The following SLC12A5 variants were observed in gnomAD, a reference collection of about 807,000 sequenced individuals.
The protein encoded by SLC12A5 is K-Cl cotransporter 2.
SLC12A5 carries 18 observed loss-of-function variants against 124.0 expected under a neutral mutation model. That is an observed-to-expected ratio of 0.15 (90% CI 0.10 to 0.22). The LOEUF is 0.22. Ranked by LOEUF, SLC12A5 falls within the 10% of genes least tolerant of loss-of-function variation. SLC12A5 has a pLI of 1.00. For synonymous variants in SLC12A5, 589 were observed against 568.0 expected (o/e 1.04, Z -0.53); for missense variants, 867 against 1,478.7 (o/e 0.59, Z 6.78).
upstream of SLC12A5, among the ~76,000 whole-genome samples, chr20:46,025,150 C>G (rs1396535917): frequency 6.6e-6 from 1 of 152,156 alleles, no homozygotes; most frequent in African/African-American, 2.4e-5. Context: ...ATCTAAGGGT[C>G]CTTCTAACCA....
intron 1 of SLC12A5, among the ~76,000 whole-genome samples, chr20:46,033,050 A>AGGTGGT (rs1448648320): frequency 6.6e-6 from 1 of 152,056 alleles, no homozygotes; most frequent in Non-Finnish European, 1.5e-5. Flanking sequence ...GATGAGGTGG[A>AGGTGGT]GGTGGTGGCA....
chr20:46,053,440 A>AAG lies in SLC12A5; in HGVS notation c.2548-136_2548-135dup. On this transcript the variant is annotated intron_variant, in intron 19 of 25. Transcript: ENST00000243964. The surrounding 1 kb of genome is among the most constrained non-coding windows in gnomAD (Gnocchi z 4.7). ...GAAGGTTTTGTAGAGAGTGGCCCCAAAGACAGAGGATTTGGGGTCTGCATG... is the reference window on the plus strand; with the variant it reads ...GAAGGTTTTGTAGAGAGTGGCCCCAAAGAGACAGAGGATTTGGGGTCTGCATG... 1 of 1,243,592 alleles carries AAG rather than the reference A, an allele frequency of 8.0e-7. No homozygotes were observed. The highest frequency in any genetic ancestry group is 1.1e-6 in the Non-Finnish European group (1 of 888,416). The allele number at this position is 1,243,592 out of a possible 1,614,324, so 77.0% of individuals were successfully genotyped here.
chr20:46,029,348 C>G lies in SLC12A5; in HGVS notation c.4C>G (p.Leu2Val). 3.2e-6 allele frequency: 5 copies of G among 1,548,452 alleles called. No homozygotes were observed. The highest frequency in any genetic ancestry group is 4.4e-6 in the Non-Finnish European group (5 of 1,146,052). M[L>V]NNLTDCEDGD... is the part of the protein sequence containing the mutation. ...GACCAGGGGCCGCGCCGCCACCATG[C>G]TAAACAACCTGACGGACTGCGAGGA... The change falls in exon 1 of 26, where the codon CTA becomes GTA. Residue 2 changes from leucine to valine, a missense_variant. This residue lies in a region of SLC12A5 where 58 missense variants were observed against 52.2 expected (regional missense o/e 1.11). Transcript: ENST00000243964.
upstream of SLC12A5, among the ~76,000 whole-genome samples, chr20:46,025,796 G>A (rs1026014362): frequency 1.3e-5 from 2 of 152,222 alleles, no homozygotes; most frequent in African/African-American, 4.8e-5. Flanking sequence ...GTCCGAGGAT[G>A]GGGCATGCGG....
intron 4 of SLC12A5, among the ~76,000 whole-genome samples, chr20:46,036,394 G>A (rs2084499072): frequency 6.6e-6 from 1 of 152,206 alleles, no homozygotes; most frequent in Non-Finnish European, 1.5e-5. Context: ...TGCATGTGAG[G>A]TACGCAGTGT....
rs1467187284 is a variant in SLC12A5, at chr20:46,035,159, A to ACCTTCTTCCTTGAGCCTC, written c.147+120_147+137dup. ...TCGTCTCCACCCCTCCCTTGAGTCT[A>ACCTTCTTCCTTGAGCCTC]CCTTCTTCCTTGAGCCTCCCCATCC... On this transcript the variant is annotated intron_variant, in intron 2 of 25. Transcript: ENST00000243964. 2.2e-4 allele frequency: 250 copies of ACCTTCTTCCTTGAGCCTC among 1,139,642 alleles called. 2 individuals carry two copies. Among genetic ancestry groups the ACCTTCTTCCTTGAGCCTC allele is most frequent in the Admixed American group, 2.0e-3 (105 of 52,516 alleles). 70.6% of individuals were successfully genotyped at this position (1,139,642 alleles called of 1,614,324 possible). A position where few individuals can be genotyped will look rare whatever the true frequency, so the allele number is the denominator to read the frequency against.
chr20:46,022,186 G>C (rs542770376), intron 1 of SLC12A5: 5 of 307,842 alleles, frequency 1.6e-5, no homozygotes, highest in African/African-American at 8.8e-5. Context: ...GAAAGGCCGG[G>C]GTCAAGGTGG....
intron 1 of SLC12A5, chr20:46,022,142 T>C (rs1217306618): frequency 8.0e-6 from 3 of 374,484 alleles, no homozygotes; most frequent in Non-Finnish European, 1.4e-5. Context: ...GGGAAGGGGT[T>C]TGGACGGAGG....
intron 6 of SLC12A5, 34 bp from the exon 7 acceptor site, chr20:46,040,339 T>A (rs780806926): frequency 3.1e-6 from 5 of 1,610,196 alleles, no homozygotes; most frequent in Non-Finnish European, 4.2e-6. Flanking sequence ...GGCTGCTGAC[T>A]TAGGTATCTG....
At position 46,059,299 on chromosome 20, in the gene SLC12A5, G is replaced by C. The variant is rs2084729299; in HGVS notation, c.*1694G>C. ...CCTTTGAGCCCAAGGCAGAGCTGGA[G>C]CTGGCGCCACCCAGACAGCGTCAGG... On this transcript the variant is annotated 3_prime_UTR_variant, in exon 26 of 26. Coordinates refer to ENST00000243964, the MANE Select transcript of SLC12A5 (RefSeq NM_020708.5). 2 of 343,144 alleles carry C rather than the reference G, an allele frequency of 5.8e-6. No individual in the cohort carries two copies. Among genetic ancestry groups the C allele is most frequent in the Non-Finnish European group, 1.0e-5 (2 of 191,602 alleles). 21.3% of individuals were successfully genotyped at this position (343,144 alleles called of 1,614,324 possible).
chr20:46,026,166 TCTCTTCCAGTTCCCAAATCCTGACA>T (rs1405058712), upstream of SLC12A5, among the ~76,000 whole-genome samples: 2 of 152,184 alleles, frequency 1.3e-5, no homozygotes, highest in African/African-American at 4.8e-5. Flanking sequence ...ATTTATAATA[TCTCTTCCAGTTCCCAAATCCTGACA>T]CTCAGGAGGC....
At chr20:46,039,236 A>G (rs1322225082) in intron 6 of SLC12A5, among the ~76,000 whole-genome samples, 2 of 152,192 alleles carry the variant, frequency 1.3e-5, no homozygotes, top group East Asian at 3.8e-4. Context: ...AATATTTAGC[A>G]TGGGAATTTT....
At chr20:46,043,523 G>A in intron 9 of SLC12A5, 110 bp from the exon 10 acceptor site, 1 of 1,259,474 alleles carries the variant, frequency 7.9e-7, no homozygotes, top group East Asian at 2.3e-5. Context: ...AAGCCAGTAT[G>A]TTAGGACTAG....
chr20:46,027,818 G>C (rs947708705), upstream of SLC12A5: 1 of 152,156 alleles, frequency 6.6e-6, no homozygotes, highest in Admixed American at 6.5e-5. Context: ...CCATCCACTG[G>C]CATTATGTCC....
At chr20:46,028,534 C>A (rs1568855214), upstream of SLC12A5, among the ~76,000 whole-genome samples, 1 of 152,180 alleles carries the variant, frequency 6.6e-6, no homozygotes, top group Non-Finnish European at 1.5e-5. Flanking sequence ...TTCTCAGGCG[C>A]TACCCCACCC....
chr20:46,027,633 T>C (rs1451673077), upstream of SLC12A5: 2 of 55,228 alleles, frequency 3.6e-5, no homozygotes, highest in Non-Finnish European at 8.8e-5. Context: ...AGTGCCTGTT[T>C]GTTTGTTTGT....
rs116878061 is a variant in SLC12A5, at chr20:46,057,452, G to C, written c.3260-62G>C. 6.2e-7 allele frequency: 1 copy of C among 1,605,648 alleles called. No homozygotes were observed. The highest frequency in any genetic ancestry group is 1.3e-5 in the African/African-American group (1 of 74,718). Reference sequence around the variant, plus strand: ...GCGCGAGAGGTCCCCTGGCAGCCGAGCGCGACCCCAATTTCGTCGGGAGGG... The same window carrying C: ...GCGCGAGAGGTCCCCTGGCAGCCGACCGCGACCCCAATTTCGTCGGGAGGG... On this transcript the variant is annotated intron_variant, in intron 25 of 25. Transcript: ENST00000243964. The surrounding 1 kb of genome is among the most constrained non-coding windows in gnomAD (Gnocchi z 7.1).
In SLC12A5 at chr20:46,056,631, G is replaced by A; in HGVS notation, c.3110+67G>A. ...AAAGGGTCTTGCTCCCCATGGCAGA[G>A]CAAGAGAGCAGAAGGCATCCTGGTC... On this transcript the variant is annotated intron_variant, in intron 23 of 25. Transcript: ENST00000243964. The surrounding 1 kb of genome is among the most constrained non-coding windows in gnomAD (Gnocchi z 4.3). The A allele has an allele frequency of 6.6e-7, 1 of 1,516,836 alleles. No homozygotes were observed. Among genetic ancestry groups the A allele is most frequent in the African/African-American group, 1.4e-5 (1 of 72,134 alleles). 94.0% of individuals were successfully genotyped at this position (1,516,836 alleles called of 1,614,324 possible). A position where few individuals can be genotyped will look rare whatever the true frequency, so the allele number is the denominator to read the frequency against.
Position 46,029,399 on chromosome 20 carries a change from A to G in SLC12A5, c.52+3A>G. 2 of 1,548,402 alleles carry G rather than the reference A, an allele frequency of 1.3e-6. No individual in the cohort carries two copies. The highest frequency in any genetic ancestry group is 1.7e-6 in the Non-Finnish European group (2 of 1,145,978). ...CGGCGATGGGGGAGCCAACCCGGGT[A>G]AGCTGTGGTCCGGGGGCGGCGGGGG... On this transcript the variant is annotated splice_donor_region_variant and intron_variant, in intron 1 of 25. Transcript: ENST00000243964.
Sources: gnomAD v4.1 joint callset for allele counts (sites outside exome capture counted in the v4.1 genomes callset) on GRCh38, gnomAD v4.1.1 for gene constraint, gnomAD v4.1.1 regional missense constraint, Gnocchi (gnomAD v3.1) non-coding constraint, MANE v1.5 for transcripts, NCBI Gene and HGNC (gene_info 2026-07-23, HGNC 2026-07-21) for gene names.